WDR25: variants seen among roughly 807,000 people sequenced by gnomAD.
WDR25 encodes WD repeat-containing protein 25.
A neutral mutation model predicts 47.7 loss-of-function variants in WDR25; 35 were observed. The ratio of observed to expected loss-of-function variants is 0.73; its 90% CI spans 0.56 to 0.97. The LOEUF (loss-of-function observed/expected upper bound fraction) is 0.97, where lower values mean the gene tolerates loss of function less well. WDR25 is among the 50% of genes least tolerant of loss of function. The probability of loss-of-function intolerance (pLI) is 0.00; values close to 1 mark genes in which losing one functional copy is unlikely to be tolerated. For missense variants in WDR25, 634 were observed against 704.7 expected (o/e 0.90, Z 1.14); for synonymous variants, 248 against 278.9 (o/e 0.89, Z 1.10).
chr14:100,479,952 A>G (rs1027235140), intron 3 of WDR25, among the ~76,000 whole-genome samples: 3 of 152,178 alleles, frequency 2.0e-5, no homozygotes, highest in African/African-American at 7.2e-5. Context: ...GAGGTGGGAC[A>G]GTTTCATCCC....
At chr14:100,457,114 G>A (rs1036285995) in intron 2 of WDR25, among the ~76,000 whole-genome samples, 1 of 151,950 alleles carries the variant, frequency 6.6e-6, no homozygotes, top group African/African-American at 2.4e-5. Context: ...CTGTCACCAC[G>A]CCTAGCTAAT....
At chr14:100,410,770 A>G (rs113109466) in intron 2 of WDR25, among the ~76,000 whole-genome samples, 8,379 of 151,846 alleles carry the variant, frequency 0.055, 657 homozygotes, top group African/African-American at 0.18. Context: ...TTGGATGCGA[A>G]GTTTAAGCAG....
intron 4 of WDR25, among the ~76,000 whole-genome samples, chr14:100,503,085 AT>A (rs1412354406): frequency 6.6e-6 from 1 of 151,550 alleles, no homozygotes; most frequent in African/African-American, 2.4e-5. Flanking sequence ...GTGCATGCGC[AT>A]TCAGAGGAGA....
Position 100,428,893 on chromosome 14 carries a change from C to T in WDR25, c.823-39128C>T, listed in dbSNP as rs931539042. 6.6e-6 allele frequency among the ~76,000 whole-genome samples: 1 copy of T among 152,098 alleles called. No homozygotes were observed. Among genetic ancestry groups the T allele is most frequent in the South Asian group, 2.1e-4 (1 of 4,816 alleles). ...AGCAATATCACTCAAGCTCCTCTTG[C>T]GTCTTTGGCACCAGAGGCGTCATCC... On this transcript the variant is annotated intron_variant, in intron 2 of 6. Transcript: ENST00000402312. The surrounding 1 kb of genome is among the most constrained non-coding windows in gnomAD (Gnocchi z 4.3).
At chr14:100,473,952 C>T (rs1595125728) in intron 3 of WDR25, among the ~76,000 whole-genome samples, 1 of 152,224 alleles carries the variant, frequency 6.6e-6, no homozygotes, top group Admixed American at 6.5e-5. Flanking sequence ...GGCACATTTA[C>T]AAAGCATCTG....
chr14:100,386,422 C>A (rs1387078027), intron 2 of WDR25, among the ~76,000 whole-genome samples: 1 of 152,202 alleles, frequency 6.6e-6, no homozygotes, highest in African/African-American at 2.4e-5. Context: ...AATTTTTCTA[C>A]CTTATTAAAA....
chr14:100,472,039 C>T (rs921158270), intron 3 of WDR25, among the ~76,000 whole-genome samples: 1 of 152,208 alleles, frequency 6.6e-6, no homozygotes, highest in Non-Finnish European at 1.5e-5. Context: ...CCTCAGAATC[C>T]CCCGGAGAGC....
intron 2 of WDR25, among the ~76,000 whole-genome samples, chr14:100,390,787 C>G (rs949421512): frequency 9.9e-5 from 15 of 152,194 alleles, no homozygotes; most frequent in Admixed American, 9.8e-4. Context: ...GTGTCTGACA[C>G]ACACCATCAT....
At chr14:100,411,122 T>C (rs957932126) in intron 2 of WDR25, among the ~76,000 whole-genome samples, 1 of 152,076 alleles carries the variant, frequency 6.6e-6, no homozygotes, top group Non-Finnish European at 1.5e-5. Flanking sequence ...CATAATTGGT[T>C]TCAAATATTT....
At chr14:100,512,155 G>A (rs1355529832) in intron 4 of WDR25, among the ~76,000 whole-genome samples, 4 of 152,080 alleles carry the variant, frequency 2.6e-5, no homozygotes, top group Non-Finnish European at 5.9e-5. Flanking sequence ...CAATTTTCTG[G>A]AAGACTTCGT....
At chr14:100,505,549 A>G (rs890660927) in intron 4 of WDR25, among the ~76,000 whole-genome samples, 5 of 152,050 alleles carry the variant, frequency 3.3e-5, no homozygotes, top group Non-Finnish European at 5.9e-5. Context: ...CTTTTTCAAG[A>G]TTTTTCTGGC....
intron 4 of WDR25, among the ~76,000 whole-genome samples, chr14:100,496,248 C>G (rs1260280157): frequency 2.6e-5 from 4 of 152,212 alleles, no homozygotes; most frequent in Non-Finnish European, 5.9e-5. Context: ...TTGCATGCCT[C>G]AAAGAATTGG....
rs570071217 is a variant in WDR25 at position 100,500,487 on chromosome 14, C to T, written c.1101+16363C>T. On this transcript the variant is annotated intron_variant, in intron 4 of 6. Transcript: ENST00000402312. The surrounding 1 kb of genome is among the most constrained non-coding windows in gnomAD (Gnocchi z 4.7). ...TCTGTGGCCCAGCCCAAGGCCAGTG[C>T]ACCACAAAGTGGCCTTTTTTGGTCC... Among the ~76,000 whole-genome samples the T allele has an allele frequency of 6.6e-6, 1 of 152,340 alleles. No homozygotes were observed. Among genetic ancestry groups the T allele is most frequent in the Non-Finnish European group, 1.5e-5 (1 of 68,032 alleles).
At chr14:100,457,039 C>A (rs1899227608) in intron 2 of WDR25, among the ~76,000 whole-genome samples, 1 of 151,230 alleles carries the variant, frequency 6.6e-6, no homozygotes, top group African/African-American at 2.4e-5. Context: ...GTCACTGCAA[C>A]CTCCGCCTCC....
At chr14:100,383,205 C>T (rs779195197) in intron 2 of WDR25, among the ~76,000 whole-genome samples, 14 of 152,124 alleles carry the variant, frequency 9.2e-5, no homozygotes, top group South Asian at 4.2e-4. Flanking sequence ...TGGGAGAGAA[C>T]GTCATATTCT....
chr14:100,467,096 G>A (rs1030041307), intron 2 of WDR25, among the ~76,000 whole-genome samples: 2 of 152,228 alleles, frequency 1.3e-5, no homozygotes, highest in African/African-American at 4.8e-5. Flanking sequence ...TGAAAGGCCA[G>A]CATGGGAAGG....
chr14:100,386,739 AAAAATTAG>A lies in WDR25; in HGVS notation c.822+4994_822+5001del, dbSNP rs994801551. Reference sequence around the variant, plus strand: ...AAACCCCGTCTCTACTAAAAATACAAAAAATTAGCCGGGCGCGGTGGTGGGCGGCTGTA... The same window carrying A: ...AAACCCCGTCTCTACTAAAAATACAACCGGGCGCGGTGGTGGGCGGCTGTA... On this transcript the variant is annotated intron_variant, in intron 2 of 6. Coordinates refer to ENST00000402312, the MANE Select transcript of WDR25 (RefSeq NM_001161476.3). Among the ~76,000 whole-genome samples the A allele has an allele frequency of 2.6e-5, 4 of 151,970 alleles. No individual in the cohort carries two copies. The East Asian group carries it at 7.8e-4, about 30-fold the overall frequency.
intron 4 of WDR25, among the ~76,000 whole-genome samples, chr14:100,516,083 T>C (rs1366412315): frequency 6.6e-6 from 1 of 152,146 alleles, no homozygotes; most frequent in Non-Finnish European, 1.5e-5. Context: ...GAATTTTACT[T>C]TTTGGGTATT....
chr14:100,462,041 A>T (rs1034031823), intron 2 of WDR25, among the ~76,000 whole-genome samples: 2 of 151,826 alleles, frequency 1.3e-5, no homozygotes, highest in Admixed American at 6.6e-5. Context: ...TGAATAATTT[A>T]CAAGAAGACT....
Sources: allele counts gnomAD v4.1 joint callset (sites outside exome capture counted in the v4.1 genomes callset), GRCh38; gene constraint gnomAD v4.1.1; non-coding constraint Gnocchi (gnomAD v3.1); transcripts MANE v1.5; gene names NCBI Gene and HGNC (gene_info 2026-07-23, HGNC 2026-07-21).